The following ENPP3 variants were observed in gnomAD, a reference collection of about 807,000 sequenced individuals.
ENPP3 encodes the protein ectonucleotide pyrophosphatase/phosphodiesterase family member 3.
Under a neutral mutation model 117.8 loss-of-function variants are expected in ENPP3, and 104 were observed. The ratio of observed to expected loss-of-function variants is 0.88; its 90% CI spans 0.75 to 1.04. The LOEUF is 1.04. Among genes scored for constraint, ENPP3 ranks in the 50% least tolerant of loss-of-function variants. The pLI, the probability that ENPP3 is intolerant of heterozygous loss-of-function variation, is 0.00. For missense variants in ENPP3, 1,026 were observed against 1,051.9 expected (o/e 0.98, Z 0.34); for synonymous variants, 380 against 349.9 (o/e 1.09, Z -0.96).
chr6:131,739,358 C>T (rs1055945627), intron 23 of ENPP3, among the ~76,000 whole-genome samples: 1 of 152,030 alleles, frequency 6.6e-6, no homozygotes, highest in African/African-American at 2.4e-5. Context: ...ATCCCCATGT[C>T]TACACTGTGA....
intron 15 of ENPP3, among the ~76,000 whole-genome samples, chr6:131,696,355 A>G (rs984115912): frequency 6.6e-6 from 1 of 152,246 alleles, no homozygotes; most frequent in Non-Finnish European, 1.5e-5. Flanking sequence ...AGATGGGATA[A>G]CTATTGCACT....
rs763038160 is a variant in ENPP3, at chr6:131,737,575, AG to A, written c.2167+145del. On this transcript the variant is annotated intron_variant, in intron 22 of 24. Transcript: ENST00000357639. ...TAATGGTTTAAATATAGGTATAGGA[AG>A]GATCCCTCACATAGTTTCTTTTCAA... The A allele has an allele frequency of 4.1e-4, 221 of 543,790 alleles. 1 individual carries two copies. The highest frequency in any genetic ancestry group is 6.4e-4 in the Non-Finnish European group (198 of 310,678). The allele number at this position is 543,790 out of a possible 1,614,324, so 33.7% of individuals were successfully genotyped here. A position where few individuals can be genotyped will look rare whatever the true frequency, so the allele number is the denominator to read the frequency against.
At chr6:131,689,543 C>T (rs79236697) in intron 14 of ENPP3, among the ~76,000 whole-genome samples, 3,195 of 152,228 alleles carry the variant, frequency 0.021, 63 homozygotes, top group South Asian at 0.048. Flanking sequence ...AAAAAAGGTT[C>T]CTTTCTAAAG....
intron 2 of ENPP3, among the ~76,000 whole-genome samples, chr6:131,643,689 A>G (rs896579249): frequency 1.3e-5 from 2 of 152,234 alleles, no homozygotes; most frequent in East Asian, 3.9e-4. Context: ...AAATTTGTGC[A>G]TGTTCTTACA....
rs373458463 is a variant in ENPP3, at chr6:131,654,257, G to A, written c.464+1366G>A. On this transcript the variant is annotated intron_variant, in intron 5 of 24. Transcript: ENST00000357639. ...CAAGCTATCCTCCCATCTCGGCCTCGTAAGTATTTGAGACTACAGGCATGG... is the reference window on the plus strand; with the variant it reads ...CAAGCTATCCTCCCATCTCGGCCTCATAAGTATTTGAGACTACAGGCATGG... Among the ~76,000 whole-genome samples, 78 of 151,870 alleles carry A rather than the reference G, an allele frequency of 5.1e-4. No homozygotes were observed. In the South Asian group the frequency reaches 8.1e-3, roughly 16 times the overall value.
chr6:131,681,943 C>T (rs1299484590), intron 11 of ENPP3, among the ~76,000 whole-genome samples: 1 of 152,100 alleles, frequency 6.6e-6, no homozygotes, highest in Non-Finnish European at 1.5e-5. Flanking sequence ...AGTGATTCTC[C>T]TGCCTCAGCT....
At chr6:131,669,285 A>C (rs976517308) in intron 6 of ENPP3, among the ~76,000 whole-genome samples, 4 of 152,194 alleles carry the variant, frequency 2.6e-5, no homozygotes, top group Admixed American at 1.3e-4. Flanking sequence ...AATAAGAAAA[A>C]TAAAGGTTAT....
chr6:131,706,976 CT>C (rs1779654746), intron 15 of ENPP3, among the ~76,000 whole-genome samples: 2 of 151,922 alleles, frequency 1.3e-5, no homozygotes, highest in South Asian at 4.1e-4. Flanking sequence ...AATGCTCTCT[CT>C]TTTACTGTTT....
At chr6:131,685,224 A>T (rs1365984138) in intron 12 of ENPP3, 140 bp from the exon 13 acceptor site, 1 of 728,088 alleles carries the variant, frequency 1.4e-6, no homozygotes, top group African/African-American at 1.8e-5. Flanking sequence ...AGAGTAGAGT[A>T]ATAGGGTGAA....
At position 131,674,295 on chromosome 6, in the gene ENPP3, T is replaced by G; in HGVS notation, c.762+14T>G. 1 of 1,613,238 alleles carries G rather than the reference T, an allele frequency of 6.2e-7. No individual in the cohort carries two copies. Among genetic ancestry groups the G allele is most frequent in the African/African-American group, 1.3e-5 (1 of 74,990 alleles). On this transcript the variant is annotated intron_variant, in intron 8 of 24. Coordinates refer to ENST00000357639, the MANE Select transcript of ENPP3 (RefSeq NM_005021.5). ...CATGGGCAACCAGTATGTAGCATTCTACACGTCGCAACTGAAGTAACCTCC... is the reference window on the plus strand; with the variant it reads ...CATGGGCAACCAGTATGTAGCATTCGACACGTCGCAACTGAAGTAACCTCC...
At chr6:131,686,874 A>G (rs1224035286) in intron 14 of ENPP3, among the ~76,000 whole-genome samples, 2 of 152,204 alleles carry the variant, frequency 1.3e-5, no homozygotes, top group South Asian at 2.1e-4. Flanking sequence ...ATAGTATTCT[A>G]TGATGTATAT....
Position 131,637,470 on chromosome 6 carries a change from C to T in ENPP3, c.78+8C>T, listed in dbSNP as rs766217198. The T allele has an allele frequency of 4.1e-6, 6 of 1,457,168 alleles. No homozygotes were observed. In the South Asian group the frequency reaches 5.0e-5, roughly 12 times the overall value. 90.3% of individuals were successfully genotyped at this position (1,457,168 alleles called of 1,614,324 possible). On this transcript the variant is annotated splice_region_variant and intron_variant, in intron 1 of 24. Transcript: ENST00000357639. ...TATAAAATAGCTTGCATTGTAAGTA[C>T]AATTCTTATTTTTAGTCTTTCTAGT...
chr6:131,648,471 ACT>A (rs770161150), intron 2 of ENPP3, among the ~76,000 whole-genome samples: 1 of 151,982 alleles, frequency 6.6e-6, no homozygotes, highest in African/African-American at 2.4e-5. Context: ...TGTGTTATTC[ACT>A]GTTACTTTGC....
chr6:131,662,587 C>T (rs1778526403), intron 6 of ENPP3, among the ~76,000 whole-genome samples: 1 of 152,170 alleles, frequency 6.6e-6, no homozygotes, highest in Admixed American at 6.5e-5. Context: ...ATGCCAGTAA[C>T]ATGCTGTTTT....
intron 14 of ENPP3, among the ~76,000 whole-genome samples, chr6:131,688,231 G>A (rs1310563284): frequency 6.6e-6 from 1 of 152,162 alleles, no homozygotes; most frequent in African/African-American, 2.4e-5. Flanking sequence ...CATGCGTGCT[G>A]ATTGCTCCAC....
intron 1 of ENPP3, chr6:131,638,631 G>T (rs2114274312): frequency 6.2e-6 from 2 of 323,202 alleles, no homozygotes; most frequent in African/African-American, 2.2e-5. Flanking sequence ...TCACCATGTT[G>T]CCCAGGCTGG....
intron 24 of ENPP3, among the ~76,000 whole-genome samples, chr6:131,740,798 T>C (rs1780513275): frequency 6.6e-6 from 1 of 152,200 alleles, no homozygotes; most frequent in African/African-American, 2.4e-5. Flanking sequence ...CTTTAAACAT[T>C]TATTTCTTTG....
intron 2 of ENPP3, 22 bp downstream of exon 2, chr6:131,641,552 C>T (rs1388247743): frequency 4.8e-6 from 7 of 1,444,954 alleles, no homozygotes; most frequent in Non-Finnish European, 6.8e-6. Context: ...AGCCTTTTCT[C>T]AGAACATTCC....
chr6:131,718,205 A>AT (rs879384157), intron 15 of ENPP3, among the ~76,000 whole-genome samples: 1 of 152,218 alleles, frequency 6.6e-6, no homozygotes, highest in Non-Finnish European at 1.5e-5. Flanking sequence ...AGAAATTGAT[A>AT]TTTTTCCCCA....
Sources: allele counts gnomAD v4.1 joint callset (sites outside exome capture counted in the v4.1 genomes callset), GRCh38; gene constraint gnomAD v4.1.1; transcripts MANE v1.5; gene names NCBI Gene and HGNC (gene_info 2026-07-23, HGNC 2026-07-21).